CFAP44: variants seen among roughly 807,000 people sequenced by gnomAD.
CFAP44 encodes the protein cilia and flagella associated protein 44.
Under a neutral mutation model 216.2 loss-of-function variants are expected in CFAP44, and 134 were observed. The ratio of observed to expected loss-of-function variants is 0.62; its 90% CI spans 0.54 to 0.72. The LOEUF is 0.72. Ranked by LOEUF, CFAP44 falls within the 30% of genes least tolerant of loss-of-function variation. The pLI, the probability that CFAP44 is intolerant of heterozygous loss-of-function variation, is 0.00. For synonymous variants in CFAP44, 700 were observed against 727.6 expected (o/e 0.96, Z 0.61); for missense variants, 2,035 against 2,182.1 (o/e 0.93, Z 1.34).
intron 28 of CFAP44, 114 bp from the exon 29 acceptor site, chr3:113,308,382 TAA>T (rs2107795066): frequency 1.2e-6 from 1 of 801,722 alleles, no homozygotes; most frequent in South Asian, 2.0e-5. Context: ...TAACTCAATA[TAA>T]GAGTTTAAAA....
intron 31 of CFAP44, chr3:113,304,322 G>A: frequency 1.7e-6 from 1 of 580,474 alleles, no homozygotes; most frequent in Non-Finnish European, 3.0e-6. Context: ...TCTCTGTGGG[G>A]ATAGCAAATC....
At chr3:113,409,015 A>G in intron 7 of CFAP44, 91 bp downstream of exon 7, 1 of 747,782 alleles carries the variant, frequency 1.3e-6, no homozygotes, top group East Asian at 3.1e-5. Context: ...GCAAAAAAAA[A>G]AAAAAAAAAA....
intron 27 of CFAP44, 117 bp from the exon 28 acceptor site, chr3:113,326,757 AAAG>A (rs1371601015): frequency 5.4e-6 from 3 of 552,874 alleles, no homozygotes; most frequent in African/African-American, 3.9e-5. Context: ...AAACTTCTTA[AAAG>A]AAGGTTACAT....
At chr3:113,415,950 C>G (rs898885724) in intron 6 of CFAP44, among the ~76,000 whole-genome samples, 10 of 152,030 alleles carry the variant, frequency 6.6e-5, no homozygotes, top group African/African-American at 2.4e-4. Context: ...TTAATATTGA[C>G]AGTGGGGTGT....
At chr3:113,427,094 A>AT (rs1934981240) in intron 3 of CFAP44, 93 bp downstream of exon 3, 2 of 1,372,380 alleles carry the variant, frequency 1.5e-6, no homozygotes, top group Non-Finnish European at 2.0e-6. Flanking sequence ...CATCCTGCAC[A>AT]TTTTTCTTTC....
At position 113,396,648 on chromosome 3, in the gene CFAP44, C is replaced by A. The variant is rs147661037; in HGVS notation, c.1649G>T (p.Gly550Val). 6.8e-6 allele frequency: 11 copies of A among 1,613,938 alleles called. No homozygotes were observed. Among genetic ancestry groups the A allele is most frequent in the Non-Finnish European group, 9.3e-6 (11 of 1,180,008 alleles). The change falls in exon 14 of 35, where the codon GGG becomes GTG. Residue 550 changes from glycine (G) to valine (V), a missense_variant. Around this residue, in one of 3 missense-constraint regions of CFAP44, gnomAD observed 1,883 missense variants for 2,023.7 expected, o/e 0.93. Coordinates refer to ENST00000393845, the MANE Select transcript of CFAP44 (RefSeq NM_001164496.2). The stretch of plus-strand genomic sequence containing the variant: ...CTTCCGTCCCGCAAAAATCGTGAGC[C>A]CTTTTGGATCATAAAGTTCAAGAAT... ...VRILELYDPKGLTIFAGRKKI... is the reference protein window; with the variant it reads ...VRILELYDPKVLTIFAGRKKI...
At chr3:113,319,273 C>T (rs115964089) in intron 28 of CFAP44, among the ~76,000 whole-genome samples, 2,750 of 152,160 alleles carry the variant, frequency 0.018, 98 homozygotes, top group African/African-American at 0.062. Flanking sequence ...AAAAAAAGAG[C>T]AGGAGTTGCT....
At chr3:113,313,610 T>C (rs1950060666) in intron 28 of CFAP44, among the ~76,000 whole-genome samples, 1 of 152,152 alleles carries the variant, frequency 6.6e-6, no homozygotes, top group African/African-American at 2.4e-5. Context: ...ACTCCCGTAA[T>C]TCCCACATGT....
chr3:113,320,599 TTATTAAG>T (rs1175928135), intron 28 of CFAP44, among the ~76,000 whole-genome samples: 1 of 147,708 alleles, frequency 6.8e-6, no homozygotes, highest in African/African-American at 2.5e-5. Flanking sequence ...TAGATGTATA[TTATTAAG>T]TATTAAGGAG....
At chr3:113,302,183 C>T (rs1559904678) in intron 32 of CFAP44, among the ~76,000 whole-genome samples, 1 of 152,048 alleles carries the variant, frequency 6.6e-6, no homozygotes, top group Non-Finnish European at 1.5e-5. Flanking sequence ...TTTATGGACA[C>T]TTAGGTTGAT....
intron 28 of CFAP44, among the ~76,000 whole-genome samples, chr3:113,309,666 A>C (rs575551276): frequency 8.5e-5 from 13 of 152,322 alleles, no homozygotes; most frequent in African/African-American, 2.6e-4. Context: ...ACAGATCACC[A>C]ATTTACAATT....
intron 24 of CFAP44, 42 bp downstream of exon 24, chr3:113,341,702 C>T: frequency 7.1e-7 from 1 of 1,410,718 alleles, no homozygotes; most frequent in Non-Finnish European, 9.2e-7. Context: ...TTTTGGGGCT[C>T]ACATATTAAA....
At chr3:113,302,457 T>TAAAAAAAAAAA (rs60866565) in intron 32 of CFAP44, among the ~76,000 whole-genome samples, 76 of 75,782 alleles carry the variant, frequency 1.0e-3, no homozygotes, top group African/African-American at 2.7e-3. Context: ...CTAGACAAAG[T>TAAAAAAAAAAA]AAAAAAAAAA....
chr3:113,401,414 T>C, intron 10 of CFAP44, 127 bp from the exon 11 acceptor site: 3 of 1,192,322 alleles, frequency 2.5e-6, no homozygotes, highest in Non-Finnish European at 3.5e-6. Context: ...TATTTTAAAG[T>C]ATAATTGAAA....
Position 113,330,685 on chromosome 3 carries a change from G to T in CFAP44, c.3616-17C>A. ...TCCATGGACCTGAAAAAAAGAAGAG[G>T]AAGGAAACAACAGTACAACCCTCTG... is the stretch of plus-strand genomic sequence containing the variant. On this transcript the variant is annotated splice_polypyrimidine_tract_variant and intron_variant, in intron 25 of 34. Coordinates refer to ENST00000393845, the MANE Select transcript of CFAP44 (RefSeq NM_001164496.2). 6.6e-7 allele frequency: 1 copy of T among 1,521,978 alleles called. No individual in the cohort carries two copies. Among genetic ancestry groups the T allele is most frequent in the South Asian group, 1.2e-5 (1 of 80,472 alleles). 94.3% of individuals were successfully genotyped at this position (1,521,978 alleles called of 1,614,324 possible).
intron 1 of CFAP44, among the ~76,000 whole-genome samples, chr3:113,440,715 G>T (rs1439903651): frequency 6.6e-6 from 1 of 152,038 alleles, no homozygotes; most frequent in East Asian, 1.9e-4. Context: ...ACCTCTAATG[G>T]CTCATCACTG....
chr3:113,426,884 G>C (rs1431379390), intron 3 of CFAP44: 22 of 314,968 alleles, frequency 7.0e-5, no homozygotes, highest in Non-Finnish European at 1.1e-4. Context: ...GTCTCCAAGG[G>C]GAACTCCCAA....
chr3:113,362,879 T>C, intron 21 of CFAP44: 1 of 1,195,290 alleles, frequency 8.4e-7, no homozygotes, highest in African/African-American at 1.6e-5. Flanking sequence ...GGTTCTACTT[T>C]ATTTCTTCCC....
At chr3:113,397,691 G>A (rs1934025418) in intron 13 of CFAP44, among the ~76,000 whole-genome samples, 1 of 152,130 alleles carries the variant, frequency 6.6e-6, no homozygotes, top group Non-Finnish European at 1.5e-5. Flanking sequence ...AGGTGTAATG[G>A]CCCTACTTGG....
Sources: gnomAD v4.1 joint callset for allele counts (sites outside exome capture counted in the v4.1 genomes callset) on GRCh38, gnomAD v4.1.1 for gene constraint, gnomAD v4.1.1 regional missense constraint, MANE v1.5 for transcripts, NCBI Gene and HGNC (gene_info 2026-07-23, HGNC 2026-07-21) for gene names.